IFNLR1: variants seen among roughly 807,000 people sequenced by gnomAD.
IFNLR1 encodes the protein interferon lambda receptor 1.
In IFNLR1, 28 loss-of-function variants were observed where a neutral mutation model predicts 52.5. That is an observed-to-expected ratio of 0.53 (90% confidence interval 0.40 to 0.73). The LOEUF is 0.73. Among genes scored for constraint, IFNLR1 ranks in the 30% least tolerant of loss-of-function variants. The pLI, the probability that IFNLR1 is intolerant of heterozygous loss-of-function variation, is 0.00. For synonymous variants in IFNLR1, 276 were observed against 274.9 expected (o/e 1.00, Z -0.04); for missense variants, 623 against 659.1 (o/e 0.95, Z 0.60).
In IFNLR1 at chr1:24,157,916, G is replaced by A; in HGVS notation, c.802-25C>T. The stretch of plus-strand genomic sequence containing the variant: ...CCTGATTTGGGTAGGGGAGAGAAAA[G>A]CAGAAAATTTAGGCTTTCCTGAAGC... On this transcript the variant is annotated intron_variant, in intron 6 of 6. Coordinates refer to ENST00000327535, the MANE Select transcript of IFNLR1 (RefSeq NM_170743.4). This position sits in a 1 kb window ranked among gnomAD's most constrained non-coding sequence, Gnocchi z 5.1. 6.6e-7 allele frequency: 1 copy of A among 1,523,280 alleles called. No homozygotes were observed. The highest frequency in any genetic ancestry group is 1.8e-4 in the Middle Eastern group (1 of 5,650). 94.4% of individuals were successfully genotyped at this position (1,523,280 alleles called of 1,614,324 possible).
Position 24,157,203 on chromosome 1 carries a change from C to T in IFNLR1, c.1490G>A (p.Gly497Asp). 6.2e-7 allele frequency: 1 copy of T among 1,614,172 alleles called. No homozygotes were observed. The highest frequency in any genetic ancestry group is 8.5e-7 in the Non-Finnish European group (1 of 1,180,022). ...CTGGGTGCTCTCAGCCCCCCAGCTG[C>T]CCGCATCGCTGTCCTCAATTTCTGA... ...RESEIEDSDA[G>D]SWGAESTQRT... is the part of the protein sequence containing the mutation. The change falls in exon 7 of 7, where the codon GGC (glycine) becomes GAC (aspartate). Residue 497 changes from glycine (G) to aspartate (D), a missense_variant. Coordinates refer to ENST00000327535, the MANE Select transcript of IFNLR1 (RefSeq NM_170743.4). This position sits in a 1 kb window ranked among gnomAD's most constrained non-coding sequence, Gnocchi z 5.1.
chr1:24,166,754 T>C (rs898553094), intron 3 of IFNLR1, among the ~76,000 whole-genome samples: 5 of 151,758 alleles, frequency 3.3e-5, no homozygotes, highest in African/African-American at 1.2e-4. Flanking sequence ...GGTCTCCCTA[T>C]GTTGCCTAGG....
At position 24,157,487 on chromosome 1, in the gene IFNLR1, C is replaced by T; in HGVS notation, c.1206G>A (p.Gly402=). 1 of 1,613,208 alleles carries T rather than the reference C, an allele frequency of 6.2e-7. No individual in the cohort carries two copies. Among genetic ancestry groups the T allele is most frequent in the Non-Finnish European group, 8.5e-7 (1 of 1,179,510 alleles). ...CCTTCTCAGCCAAATAGCCAGAGGACCCAGCCCTGTCCCAGGAGGAGTCCA... is the reference window on the plus strand; with the variant it reads ...CCTTCTCAGCCAAATAGCCAGAGGATCCAGCCCTGTCCCAGGAGGAGTCCA... The part of the protein sequence containing the change: ...STVDSSWDRA[G]SSGYLAEKGP... Residue 402 remains glycine, a synonymous_variant, in exon 7 of 7, where the codon GGG becomes GGA. Transcript: ENST00000327535. This position sits in a 1 kb window ranked among gnomAD's most constrained non-coding sequence, Gnocchi z 5.1.
At chr1:24,181,830 G>A (rs1009401377) in intron 1 of IFNLR1, among the ~76,000 whole-genome samples, 1 of 152,258 alleles carries the variant, frequency 6.6e-6, no homozygotes, top group East Asian at 1.9e-4. Flanking sequence ...AGGGACGTCT[G>A]CCAGTATAAA....
chr1:24,178,982 T>A (rs57641403), intron 2 of IFNLR1, among the ~76,000 whole-genome samples: 1 of 152,030 alleles, frequency 6.6e-6, no homozygotes, highest in East Asian at 1.9e-4. Flanking sequence ...GCTCTGTTGT[T>A]CAGGTTGGAG....
At chr1:24,174,447 A>G (rs1644612059) in intron 2 of IFNLR1, among the ~76,000 whole-genome samples, 1 of 152,196 alleles carries the variant, frequency 6.6e-6, no homozygotes, top group African/African-American at 2.4e-5. Context: ...TGTTAGAGAA[A>G]GCCTATATTG....
At position 24,157,187 on chromosome 1, in the gene IFNLR1, C is replaced by G. The variant is rs891631602; in HGVS notation, c.1506G>C (p.Glu502Asp). The G allele has an allele frequency of 6.2e-7, 1 of 1,614,116 alleles. No homozygotes were observed. Among genetic ancestry groups the G allele is most frequent in the Non-Finnish European group, 8.5e-7 (1 of 1,180,010 alleles). Residue 502 changes from glutamate (E) to aspartate (D), a missense_variant, in exon 7 of 7, where the codon GAG (glutamate) becomes GAC (aspartate). Physicochemically the swap from Glu to Asp is conservative, Grantham distance 45. Transcript: ENST00000327535. This position sits in a 1 kb window ranked among gnomAD's most constrained non-coding sequence, Gnocchi z 5.1. ...CCCTGTCCTCGGTCCTCTGGGTGCT[C>G]TCAGCCCCCCAGCTGCCCGCATCGC... The part of the protein sequence containing the change: ...EDSDAGSWGA[E>D]STQRTEDRGR...
intron 6 of IFNLR1, among the ~76,000 whole-genome samples, chr1:24,158,461 C>A (rs1022328878): frequency 6.6e-6 from 1 of 152,210 alleles, no homozygotes; most frequent in Non-Finnish European, 1.5e-5. Context: ...TGCCACCCTG[C>A]CACGATGCAG....
intron 2 of IFNLR1, among the ~76,000 whole-genome samples, chr1:24,178,761 GA>G (rs1390074724): frequency 2.0e-5 from 3 of 151,932 alleles, no homozygotes; most frequent in Admixed American, 6.6e-5. Context: ...ATTGATAAAG[GA>G]AAAAAATTAA....
At chr1:24,163,641 G>A (rs1219650889) in intron 3 of IFNLR1, among the ~76,000 whole-genome samples, 2 of 150,486 alleles carry the variant, frequency 1.3e-5, no homozygotes, top group African/African-American at 2.5e-5. Context: ...GTGCAATGGC[G>A]TGATCTCGGC....
intron 3 of IFNLR1, 65 bp downstream of exon 3, chr1:24,169,352 G>T (rs1413610326): frequency 2.1e-6 from 3 of 1,443,862 alleles, no homozygotes; most frequent in Middle Eastern, 2.0e-4. Flanking sequence ...GAACCACTGA[G>T]CACTGAGCAC....
chr1:24,175,859 G>A (rs901989050), intron 2 of IFNLR1, among the ~76,000 whole-genome samples: 21 of 151,112 alleles, frequency 1.4e-4, no homozygotes, highest in African/African-American at 4.9e-4. Flanking sequence ...TCTTGAACCC[G>A]GGAGGCAGAG....
At chr1:24,177,198 T>G (rs1277865889) in intron 2 of IFNLR1, among the ~76,000 whole-genome samples, 1 of 152,068 alleles carries the variant, frequency 6.6e-6, no homozygotes, top group East Asian at 1.9e-4. Flanking sequence ...GGAACAGAAC[T>G]AATAGGTTAT....
chr1:24,177,217 A>G (rs1644641489), intron 2 of IFNLR1, among the ~76,000 whole-genome samples: 1 of 152,170 alleles, frequency 6.6e-6, no homozygotes, highest in Admixed American at 6.5e-5. Context: ...ATACGTATAT[A>G]TGAAAGGGAG....
At chr1:24,182,945 A>ATAAATAAGTAAG in intron 1 of IFNLR1, among the ~76,000 whole-genome samples, 2 of 148,710 alleles carry the variant, frequency 1.3e-5, no homozygotes, top group Admixed American at 1.4e-4. Flanking sequence ...AAATAAATAA[A>ATAAATAAGTAAG]TAAGTAAACA....
intron 2 of IFNLR1, 124 bp downstream of exon 2, chr1:24,180,607 C>T (rs1247045704): frequency 2.2e-6 from 2 of 914,322 alleles, no homozygotes; most frequent in East Asian, 2.6e-5. Flanking sequence ...CATGCCATCT[C>T]CCGTAGGGCC....
rs1319322564 is a variant in IFNLR1, at chr1:24,159,647, A to G, written c.511-14T>C. The G allele has an allele frequency of 2.5e-6, 4 of 1,613,376 alleles. No homozygotes were observed. In the Admixed American group the frequency reaches 6.7e-5, roughly 27 times the overall value. On this transcript the variant is annotated splice_polypyrimidine_tract_variant and intron_variant, in intron 4 of 6. Coordinates refer to ENST00000327535, the MANE Select transcript of IFNLR1 (RefSeq NM_170743.4). ...TGGAAATAGGGTCTGTTTGGAAAAG[A>G]AGCAGAGAGTGGCAGAGCTGCTGTG... is the stretch of plus-strand genomic sequence containing the variant.
intron 2 of IFNLR1, 47 bp from the exon 3 acceptor site, chr1:24,169,648 G>A (rs771483718): frequency 6.4e-6 from 10 of 1,558,616 alleles, no homozygotes; most frequent in African/African-American, 1.4e-5. Flanking sequence ...CAGCCTCTCC[G>A]GGTCAGGGAA....
At chr1:24,165,230 A>G (rs1320530413) in intron 3 of IFNLR1, among the ~76,000 whole-genome samples, 4 of 152,118 alleles carry the variant, frequency 2.6e-5, no homozygotes, top group Admixed American at 6.5e-5. Context: ...TTATTTGGAA[A>G]CCTTCTCGGA....
Sources: allele counts gnomAD v4.1 joint callset (sites outside exome capture counted in the v4.1 genomes callset), GRCh38; gene constraint gnomAD v4.1.1; non-coding constraint Gnocchi (gnomAD v3.1); transcripts MANE v1.5; gene names NCBI Gene and HGNC (gene_info 2026-07-23, HGNC 2026-07-21).